The following GPHN variants were observed in gnomAD, a reference collection of about 807,000 sequenced individuals.
GPHN encodes gephyrin.
A neutral mutation model predicts 95.5 loss-of-function variants in GPHN; 17 were observed. The observed-to-expected ratio is 0.18, with a 90% CI of 0.12 to 0.27. The LOEUF (loss-of-function observed/expected upper bound fraction) is 0.27, where lower values mean the gene tolerates loss of function less well. Among genes scored for constraint, GPHN ranks in the 10% least tolerant of loss-of-function variants. The probability of loss-of-function intolerance (pLI) is 1.00; values close to 1 mark genes in which losing one functional copy is unlikely to be tolerated. For missense variants in GPHN, 660 were observed against 978.1 expected, an observed-to-expected ratio of 0.67 and a Z score of 4.34; for synonymous variants, 320 against 322.5, an observed-to-expected ratio of 0.99 and a Z score of 0.08.
intron 1 of GPHN, among the ~76,000 whole-genome samples, chr14:66,536,154 G>A (rs945507075): frequency 2.6e-5 from 4 of 152,072 alleles, no homozygotes; most frequent in Non-Finnish European, 5.9e-5. Context: ...GCCTTGCTCT[G>A]TTGCCCAGAC....
chr14:67,230,641 A>T, the GPHN span, among the ~76,000 whole-genome samples: 4 of 152,306 alleles, frequency 2.6e-5, no homozygotes, highest in African/African-American at 9.6e-5. Flanking sequence ...TATATTCAAA[A>T]TAAGACTCGT....
the GPHN span, among the ~76,000 whole-genome samples, chr14:67,247,728 C>T: frequency 1.3e-5 from 2 of 152,054 alleles, no homozygotes; most frequent in African/African-American, 4.8e-5. Flanking sequence ...ACTGCAAGTG[C>T]CACTATGCCC....
chr14:66,878,505 TAAAC>T (rs1181278372), intron 4 of GPHN, among the ~76,000 whole-genome samples: 1 of 151,896 alleles, frequency 6.6e-6, no homozygotes, highest in Admixed American at 6.6e-5. Flanking sequence ...ATAAAGAACT[TAAAC>T]AAATTTACAA....
At chr14:66,861,501 A>C (rs1300447046) in intron 4 of GPHN, among the ~76,000 whole-genome samples, 1 of 152,098 alleles carries the variant, frequency 6.6e-6, no homozygotes, top group Non-Finnish European at 1.5e-5. Context: ...AATGGACCTA[A>C]TAGATGTTTA....
At chr14:66,771,547 C>G (rs1353306806) in intron 2 of GPHN, among the ~76,000 whole-genome samples, 1 of 152,174 alleles carries the variant, frequency 6.6e-6, no homozygotes, top group Non-Finnish European at 1.5e-5. Context: ...GGATGCTGGA[C>G]TTACGGCCAA....
intron 2 of GPHN, among the ~76,000 whole-genome samples, chr14:66,773,351 TC>T (rs370278700): frequency 2.8e-5 from 4 of 140,524 alleles, no homozygotes; most frequent in Admixed American, 1.5e-4. Context: ...TTTGGGGAAA[TC>T]TTTTTTTTTT....
At chr14:67,482,756 A>C in the GPHN span, among the ~76,000 whole-genome samples, 1 of 152,222 alleles carries the variant, frequency 6.6e-6, no homozygotes, top group African/African-American at 2.4e-5. Context: ...AAGCAAGTGG[A>C]GGGAAACTCC....
intron 11 of GPHN, among the ~76,000 whole-genome samples, chr14:67,077,272 T>G (rs1402952337): frequency 6.6e-6 from 1 of 152,190 alleles, no homozygotes; most frequent in Non-Finnish European, 1.5e-5. Context: ...TTCAACACTT[T>G]GTTATAAAAT....
chr14:67,543,600 A>G, the GPHN span, among the ~76,000 whole-genome samples: 1,237 of 152,272 alleles, frequency 8.1e-3, 16 homozygotes, highest in African/African-American at 0.028. Flanking sequence ...TGCATGTTTA[A>G]CAAGCGTCCA....
At chr14:66,791,468 T>C (rs113770975) in intron 3 of GPHN, among the ~76,000 whole-genome samples, 79 of 152,388 alleles carry the variant, frequency 5.2e-4, no homozygotes, top group African/African-American at 1.6e-3. Context: ...GCCACTTTTA[T>C]GGTTATTTCT....
the GPHN span, among the ~76,000 whole-genome samples, chr14:67,538,777 G>A: frequency 4.6e-5 from 7 of 152,110 alleles, no homozygotes; most frequent in Admixed American, 6.6e-5. Flanking sequence ...CATCCCCAAG[G>A]CAGGGAGAGG....
At chr14:66,711,096 CGTGA>C (rs1248413403) in intron 2 of GPHN, among the ~76,000 whole-genome samples, 4 of 152,110 alleles carry the variant, frequency 2.6e-5, no homozygotes, top group South Asian at 2.1e-4. Context: ...TGTTTGGTTA[CGTGA>C]GTAAGTTCTT....
chr14:66,558,570 G>C (rs919538736), intron 1 of GPHN, among the ~76,000 whole-genome samples: 7 of 151,978 alleles, frequency 4.6e-5, no homozygotes, highest in African/African-American at 1.2e-4. Flanking sequence ...TCTTAGTCTT[G>C]ATATGTAATC....
the GPHN span, chr14:67,642,120 C>T: frequency 6.8e-7 from 1 of 1,479,990 alleles, no homozygotes; most frequent in African/African-American, 1.4e-5. Flanking sequence ...ATCATTGTGG[C>T]CCAGGCTAGT....
At chr14:66,548,220 G>C (rs1288755776) in intron 1 of GPHN, among the ~76,000 whole-genome samples, 1 of 138,326 alleles carries the variant, frequency 7.2e-6, no homozygotes, top group Non-Finnish European at 1.5e-5. Flanking sequence ...TCGCTCTGTC[G>C]CCCAGTCTGG....
At chr14:67,585,402 C>T in the GPHN span, 15 of 595,580 alleles carry the variant, frequency 2.5e-5, no homozygotes, top group Non-Finnish European at 3.9e-5. Flanking sequence ...GCAGCCTTGT[C>T]TATTTCCTGC....
At chr14:66,700,307 AT>A (rs1369128646) in intron 2 of GPHN, among the ~76,000 whole-genome samples, 1 of 152,192 alleles carries the variant, frequency 6.6e-6, no homozygotes, top group Non-Finnish European at 1.5e-5. Flanking sequence ...CGAATATTTT[AT>A]TTTTGACACA....
chr14:66,921,258 A>G (rs940793256), intron 6 of GPHN, among the ~76,000 whole-genome samples: 2 of 152,036 alleles, frequency 1.3e-5, no homozygotes, highest in Non-Finnish European at 1.5e-5. Flanking sequence ...GCCAACATCT[A>G]CTGTTTTTTG....
intron 22 of GPHN, among the ~76,000 whole-genome samples, chr14:67,180,281 G>T (rs546333145): frequency 6.6e-6 from 1 of 152,148 alleles, no homozygotes; most frequent in African/African-American, 2.4e-5. Flanking sequence ...AACTAACAGC[G>T]ACTAAGTTCA....
Sources: gnomAD v4.1 joint callset for allele counts (sites outside exome capture counted in the v4.1 genomes callset) on GRCh38, gnomAD v4.1.1 for gene constraint, MANE v1.5 for transcripts, NCBI Gene and HGNC (gene_info 2026-07-23, HGNC 2026-07-21) for gene names.